MLLT1: variants seen among roughly 807,000 people sequenced by gnomAD.
The protein encoded by MLLT1 is protein ENL.
Under a neutral mutation model 55.1 loss-of-function variants are expected in MLLT1, and 11 were observed. The ratio of observed to expected loss-of-function variants is 0.20; its 90% confidence interval spans 0.13 to 0.33. The LOEUF is 0.33. Among genes scored for constraint, MLLT1 ranks in the 10% least tolerant of loss-of-function variants. The pLI is 1.00. For synonymous variants in MLLT1, 323 were observed against 320.1 expected, an observed-to-expected ratio of 1.01 and a Z score of -0.10; for missense variants, 536 against 760.6, an observed-to-expected ratio of 0.70 and a Z score of 3.47.
chr19:6,261,917 G>A (rs977097250), intron 3 of MLLT1, among the ~76,000 whole-genome samples: 4 of 152,144 alleles, frequency 2.6e-5, no homozygotes, highest in Admixed American at 6.5e-5. Flanking sequence ...TAGGACCGTC[G>A]AGGAAGCTGG....
chr19:6,275,158 C>T (rs945149503), intron 1 of MLLT1, among the ~76,000 whole-genome samples: 1 of 152,248 alleles, frequency 6.6e-6, no homozygotes, highest in Non-Finnish European at 1.5e-5. Flanking sequence ...GAAGATTTCC[C>T]CTGGTCTTCT....
intron 3 of MLLT1, among the ~76,000 whole-genome samples, chr19:6,233,119 G>A (rs887439065): frequency 1.3e-5 from 2 of 152,192 alleles, no homozygotes; most frequent in Non-Finnish European, 2.9e-5. Context: ...GACAGACCAA[G>A]GGGCTCGAGG....
rs564887489 is a variant in MLLT1, at chr19:6,211,889, G to A, written c.*1153C>T. 13 of 1,064,736 alleles carry A rather than the reference G, an allele frequency of 1.2e-5. No homozygotes were observed. The highest frequency in any genetic ancestry group is 1.5e-5 in the Non-Finnish European group (13 of 878,714). The allele number at this position is 1,064,736 out of a possible 1,614,324, so 66.0% of individuals were successfully genotyped here. A position where few individuals can be genotyped will look rare whatever the true frequency, so the allele number is the denominator to read the frequency against. On this transcript the variant is annotated 3_prime_UTR_variant, in exon 12 of 12. Coordinates refer to ENST00000252674, the MANE Select transcript of MLLT1 (RefSeq NM_005934.4). The surrounding 1 kb of genome is among the most constrained non-coding windows in gnomAD (Gnocchi z 4.6). The stretch of plus-strand genomic sequence containing the variant: ...GCGCGGCACCAGCATGAATTGCGGC[G>A]GTGGAGGCCGGGGCGGGCCAGGCCG...
chr19:6,250,144 A>G (rs1055632080), intron 3 of MLLT1, among the ~76,000 whole-genome samples: 3 of 152,244 alleles, frequency 2.0e-5, no homozygotes, highest in Admixed American at 6.5e-5. Flanking sequence ...ATGGCCAATA[A>G]GCACATGAAA....
chr19:6,267,149 C>G (rs965664568), intron 2 of MLLT1, among the ~76,000 whole-genome samples: 4 of 151,486 alleles, frequency 2.6e-5, no homozygotes, highest in African/African-American at 9.7e-5. Flanking sequence ...TCGCCCAGGC[C>G]GGAGTGCACT....
chr19:6,277,382 G>A (rs1483465566), intron 1 of MLLT1, among the ~76,000 whole-genome samples: 2 of 152,248 alleles, frequency 1.3e-5, no homozygotes, highest in African/African-American at 2.4e-5. Flanking sequence ...TGATGGAAAT[G>A]CATCTGCATT....
rs2090988633 is a variant in MLLT1 at position 6,229,656 on chromosome 19, G to A, written c.420+914C>T. ...CACCATACATGACACAGCAGACAGC[G>A]TATGTACATACCACACAACACACAC... On this transcript the variant is annotated intron_variant, in intron 4 of 11. Coordinates refer to ENST00000252674, the MANE Select transcript of MLLT1 (RefSeq NM_005934.4). This position sits in a 1 kb window ranked among gnomAD's most constrained non-coding sequence, Gnocchi z 5.2. Among the ~76,000 whole-genome samples the A allele has an allele frequency of 1.3e-5, 2 of 150,552 alleles. No homozygotes were observed. The highest frequency in any genetic ancestry group is 3.0e-5 in the Non-Finnish European group (2 of 67,632).
At chr19:6,220,259 G>A (rs1170771755) in intron 6 of MLLT1, among the ~76,000 whole-genome samples, 1 of 152,252 alleles carries the variant, frequency 6.6e-6, no homozygotes, top group Non-Finnish European at 1.5e-5. Flanking sequence ...GGTCTGGAAG[G>A]CCGATGTGCT....
At chr19:6,232,272 G>A (rs999989949) in intron 3 of MLLT1, among the ~76,000 whole-genome samples, 1 of 152,142 alleles carries the variant, frequency 6.6e-6, no homozygotes, top group African/African-American at 2.4e-5. Flanking sequence ...AAACAAACAT[G>A]CAGGCTCATG....
At chr19:6,252,057 G>A (rs1008437099) in intron 3 of MLLT1, among the ~76,000 whole-genome samples, 1 of 152,224 alleles carries the variant, frequency 6.6e-6, no homozygotes, top group Non-Finnish European at 1.5e-5. Flanking sequence ...GTCGGGCCGA[G>A]GAGGGAAGAC....
chr19:6,222,268 G>A lies in MLLT1; in HGVS notation c.963C>T (p.Ser321=). 1.2e-6 allele frequency: 2 copies of A among 1,612,508 alleles called. No individual in the cohort carries two copies. Among genetic ancestry groups the A allele is most frequent in the Non-Finnish European group, 1.7e-6 (2 of 1,179,454 alleles). The change falls in exon 6 of 12, where the codon TCC becomes TCT. Residue 321 remains serine (S), a synonymous_variant. Transcript: ENST00000252674. This position sits in a 1 kb window ranked among gnomAD's most constrained non-coding sequence, Gnocchi z 4.1. ...APGTSPRTSS[S]SSFSDKKPAK... is the part of the protein sequence containing the mutation. ...CCGGCTTCTTGTCCGAGAAGGAGGA[G>A]GAGGAGGAGGTGCGGGGCGAGGTGC...
intron 1 of MLLT1, among the ~76,000 whole-genome samples, chr19:6,279,169 GC>G (rs2091443844): frequency 6.6e-6 from 1 of 152,094 alleles, no homozygotes; most frequent in South Asian, 2.1e-4. Context: ...GTCCCAGGGG[GC>G]CGGGGACGCC....
intron 3 of MLLT1, among the ~76,000 whole-genome samples, chr19:6,241,398 C>T (rs2091111717): frequency 6.8e-6 from 1 of 146,832 alleles, no homozygotes; most frequent in African/African-American, 2.7e-5. Context: ...ATGCCTTCGT[C>T]CTGTACAGGA....
At chr19:6,274,796 C>G (rs1319471248) in intron 1 of MLLT1, among the ~76,000 whole-genome samples, 1 of 152,192 alleles carries the variant, frequency 6.6e-6, no homozygotes, top group Non-Finnish European at 1.5e-5. Context: ...ATCTGAAAGA[C>G]AGCGGACGGA....
At chr19:6,217,464 C>T (rs1010899601) in intron 7 of MLLT1, among the ~76,000 whole-genome samples, 2 of 152,156 alleles carry the variant, frequency 1.3e-5, no homozygotes, top group East Asian at 1.9e-4. Context: ...AGCCAATGGG[C>T]CTATGTCCTT....
At chr19:6,251,566 AAAG>A (rs1331118230) in intron 3 of MLLT1, among the ~76,000 whole-genome samples, 2 of 152,246 alleles carry the variant, frequency 1.3e-5, no homozygotes, top group Admixed American at 6.5e-5. Flanking sequence ...AAAAAAGAAT[AAAG>A]AAGAACCAAA....
At chr19:6,277,357 C>T (rs949791370) in intron 1 of MLLT1, among the ~76,000 whole-genome samples, 3 of 152,202 alleles carry the variant, frequency 2.0e-5, no homozygotes, top group South Asian at 4.1e-4. Context: ...TCACCATCGA[C>T]GGAACTTTCT....
rs1312756207 is a variant in MLLT1 at position 6,230,460 on chromosome 19, G to A, written c.420+110C>T. On this transcript the variant is annotated intron_variant, in intron 4 of 11. Transcript: ENST00000252674. The surrounding 1 kb of genome is among the most constrained non-coding windows in gnomAD (Gnocchi z 9.0). Reference sequence around the variant, plus strand: ...TGCTGGGTGCTGCCGTGTGACCTGCGCCTTGGGTCTCGGCCCCCAGCACCG... The same window carrying A: ...TGCTGGGTGCTGCCGTGTGACCTGCACCTTGGGTCTCGGCCCCCAGCACCG... 2.3e-5 allele frequency: 31 copies of A among 1,353,180 alleles called. No homozygotes were observed. The highest frequency in any genetic ancestry group is 4.7e-5 in the East Asian group (2 of 42,324). The allele number at this position is 1,353,180 out of a possible 1,614,324, so 83.8% of individuals were successfully genotyped here.
intron 1 of MLLT1, among the ~76,000 whole-genome samples, chr19:6,274,704 A>T (rs1007074190): frequency 6.6e-6 from 1 of 152,060 alleles, no homozygotes; most frequent in Non-Finnish European, 1.5e-5. Context: ...CCTGACACCC[A>T]CTCCCCAACA....
Sources: allele counts gnomAD v4.1 joint callset (sites outside exome capture counted in the v4.1 genomes callset), GRCh38; gene constraint gnomAD v4.1.1; non-coding constraint Gnocchi (gnomAD v3.1); transcripts MANE v1.5; gene names NCBI Gene and HGNC (gene_info 2026-07-23, HGNC 2026-07-21).